The following NRXN1 variants were observed in gnomAD, a reference collection of about 807,000 sequenced individuals.
NRXN1 encodes the protein neurexin-1.
In NRXN1, 39 loss-of-function variants were observed where a neutral mutation model predicts 150.9. That is an observed-to-expected ratio of 0.26 (90% CI 0.20 to 0.34). NRXN1 has a LOEUF of 0.34. Among genes scored for constraint, NRXN1 ranks in the 10% least tolerant of loss-of-function variants. NRXN1 has a pLI of 1.00. For synonymous variants in NRXN1, 924 were observed against 757.0 expected (o/e 1.22, Z -3.62); for missense variants, 1,815 against 1,949.9 (o/e 0.93, Z 1.30).
At chr2:50,512,102 G>A (rs1275312978) in intron 12 of NRXN1, among the ~76,000 whole-genome samples, 2 of 151,870 alleles carry the variant, frequency 1.3e-5, no homozygotes, top group East Asian at 3.9e-4. Context: ...CTTTCCTACA[G>A]CCAACTTCAA....
intron 2 of NRXN1, among the ~76,000 whole-genome samples, chr2:50,928,543 CCATTTT>C (rs1166369664): frequency 4.6e-5 from 7 of 151,968 alleles, no homozygotes; most frequent in Admixed American, 3.9e-4. Context: ...TCTTTCCTTT[CCATTTT>C]ATTTCTGTAC....
chr2:50,146,052 C>T (rs533642457), intron 18 of NRXN1, among the ~76,000 whole-genome samples: 30 of 151,680 alleles, frequency 2.0e-4, no homozygotes, highest in African/African-American at 7.0e-4. Context: ...GAGACACTAT[C>T]GGCTAAATTG....
chr2:50,380,625 T>C (rs2080887598), intron 17 of NRXN1, among the ~76,000 whole-genome samples: 1 of 152,022 alleles, frequency 6.6e-6, no homozygotes, highest in Admixed American at 6.6e-5. Flanking sequence ...TGTGTGAGGA[T>C]TGAATAATGT....
chr2:50,510,850 A>G (rs990126512), intron 12 of NRXN1, among the ~76,000 whole-genome samples: 1 of 152,124 alleles, frequency 6.6e-6, no homozygotes, highest in Non-Finnish European at 1.5e-5. Flanking sequence ...CCCCCAGCTA[A>G]TATTTCACCA....
chr2:50,528,253 A>G, intron 12 of NRXN1, among the ~76,000 whole-genome samples: 1 of 145,332 alleles, frequency 6.9e-6, no homozygotes. Flanking sequence ...TTTTTTTTGT[A>G]TTTGAGTTAA....
intron 18 of NRXN1, among the ~76,000 whole-genome samples, chr2:50,147,694 TAAG>T (rs2058429415): frequency 6.6e-6 from 1 of 151,720 alleles, no homozygotes; most frequent in African/African-American, 2.4e-5. Flanking sequence ...CTTGTAAAAT[TAAG>T]AAGATAAAAA....
At chr2:50,798,885 T>A (rs896029640) in intron 5 of NRXN1, among the ~76,000 whole-genome samples, 1 of 152,186 alleles carries the variant, frequency 6.6e-6, no homozygotes, top group African/African-American at 2.4e-5. Flanking sequence ...TGAGAAGCAT[T>A]TTCTACATAG....
intron 5 of NRXN1, among the ~76,000 whole-genome samples, chr2:50,695,841 AT>A (rs5831150): frequency 0.081 from 10,311 of 127,078 alleles, 310 homozygotes; most frequent in Middle Eastern, 0.12. Flanking sequence ...AGTGACTCTG[AT>A]TTTTTTTTTT....
chr2:50,977,849 A>T (rs559496235), intron 2 of NRXN1, among the ~76,000 whole-genome samples: 1 of 151,836 alleles, frequency 6.6e-6, no homozygotes, highest in African/African-American at 2.4e-5. Context: ...TCATTCAAAA[A>T]ATGTTTAATC....
rs535312826 is a variant in NRXN1 at position 50,814,142 on chromosome 2, C to A, written c.832+107727G>T. Among the ~76,000 whole-genome samples the A allele has an allele frequency of 7.4e-4, 112 of 152,162 alleles. No individual in the cohort carries two copies. The Middle Eastern group carries it at 0.027, about 37-fold the overall frequency. On this transcript the variant is annotated intron_variant, in intron 5 of 22. Coordinates refer to ENST00000401669, the MANE Select transcript of NRXN1 (RefSeq NM_001330078.2). Reference sequence around the variant, plus strand: ...TCATCAGTGATAATATGTGACTAGACTTTCTACCCTCTCTGTTTGTTTTTG... The same window carrying A: ...TCATCAGTGATAATATGTGACTAGAATTTCTACCCTCTCTGTTTGTTTTTG...
At chr2:50,416,922 ATG>A in intron 17 of NRXN1, among the ~76,000 whole-genome samples, 1 of 152,160 alleles carries the variant, frequency 6.6e-6, no homozygotes, top group Non-Finnish European at 1.5e-5. Context: ...TGTTTAGGAT[ATG>A]TGTATACCTT....
At chr2:50,959,510 A>T (rs544694612) in intron 2 of NRXN1, among the ~76,000 whole-genome samples, 189 of 152,168 alleles carry the variant, frequency 1.2e-3, no homozygotes, top group African/African-American at 4.3e-3. Flanking sequence ...GCCACATCTT[A>T]TATGATTTCA....
At chr2:50,818,735 A>G (rs1669281804) in intron 5 of NRXN1, among the ~76,000 whole-genome samples, 1 of 152,122 alleles carries the variant, frequency 6.6e-6, no homozygotes. Flanking sequence ...AAGGCAATCT[A>G]TGGAATGAGA....
chr2:50,633,159 T>G (rs186631934), intron 5 of NRXN1, among the ~76,000 whole-genome samples: 1 of 152,144 alleles, frequency 6.6e-6, no homozygotes, highest in African/African-American at 2.4e-5. Flanking sequence ...AAAACTATCA[T>G]GCATTCTGGA....
At chr2:49,968,290 C>A (rs1361373210) in intron 21 of NRXN1, among the ~76,000 whole-genome samples, 1 of 152,032 alleles carries the variant, frequency 6.6e-6, no homozygotes, top group Non-Finnish European at 1.5e-5. Flanking sequence ...TTTACTTTTT[C>A]TGAAGAAAAA....
intron 18 of NRXN1, chr2:50,185,566 C>G (rs978055435): frequency 6.6e-6 from 1 of 151,960 alleles, no homozygotes; most frequent in Non-Finnish European, 1.5e-5. Context: ...GCATTGAGAG[C>G]CAGTGTACTT....
chr2:50,003,385 C>A (rs781468765), intron 21 of NRXN1, among the ~76,000 whole-genome samples: 1 of 152,102 alleles, frequency 6.6e-6, no homozygotes, highest in Non-Finnish European at 1.5e-5. Flanking sequence ...ATTTTTGCTA[C>A]TTCAAAAGCT....
chr2:49,945,946 C>A (rs1410669023), intron 21 of NRXN1, among the ~76,000 whole-genome samples: 1 of 152,108 alleles, frequency 6.6e-6, no homozygotes. Context: ...GGTTCTAGAT[C>A]CTTGAGGAAT....
intron 21 of NRXN1, among the ~76,000 whole-genome samples, chr2:49,960,828 C>T (rs1432117552): frequency 6.6e-6 from 1 of 152,170 alleles, no homozygotes; most frequent in Non-Finnish European, 1.5e-5. Context: ...AACCTGCACA[C>T]TGAACTCATG....
Sources: allele counts gnomAD v4.1 joint callset (sites outside exome capture counted in the v4.1 genomes callset), GRCh38; gene constraint gnomAD v4.1.1; transcripts MANE v1.5; gene names NCBI Gene and HGNC (gene_info 2026-07-23, HGNC 2026-07-21).